UBLCP1: variants seen among roughly 807,000 people sequenced by gnomAD.
The protein encoded by UBLCP1 is ubiquitin-like domain-containing CTD phosphatase 1.
A neutral mutation model predicts 42.4 loss-of-function variants in UBLCP1; 28 were observed. The ratio of observed to expected loss-of-function variants is 0.66; its 90% CI spans 0.49 to 0.90. The LOEUF (loss-of-function observed/expected upper bound fraction) is 0.90. Among genes scored for constraint, UBLCP1 ranks in the 40% least tolerant of loss-of-function variants. The pLI, the probability that UBLCP1 is intolerant of heterozygous loss-of-function variation, is 0.00. For missense variants in UBLCP1, 279 were observed against 374.5 expected, an observed-to-expected ratio of 0.75 and a Z score of 2.10; for synonymous variants, 122 against 120.8, an observed-to-expected ratio of 1.01 and a Z score of -0.07.
rs762255488 is a variant in UBLCP1, at chr5:159,269,076, C to G, written c.154+7C>G. 4.0e-5 allele frequency: 61 copies of G among 1,531,286 alleles called. No homozygotes were observed. In the East Asian group the frequency reaches 1.5e-3, roughly 37 times the overall value. 94.9% of individuals were successfully genotyped at this position (1,531,286 alleles called of 1,614,324 possible). A position where few individuals can be genotyped will look rare whatever the true frequency, so the allele number is the denominator to read the frequency against. ...CTTGGACTCAAAGTTAAAGGTAATT[C>G]TCTCCCCTCTTCAGATTTTTTGCAT... On this transcript the variant is annotated splice_region_variant and intron_variant, in intron 2 of 10. Coordinates refer to ENST00000296786, the MANE Select transcript of UBLCP1 (RefSeq NM_145049.5).
intron 5 of UBLCP1, among the ~76,000 whole-genome samples, chr5:159,270,993 T>TA (rs1753459184): frequency 6.6e-6 from 1 of 151,820 alleles, no homozygotes; most frequent in Non-Finnish European, 1.5e-5. Context: ...TGTATATATA[T>TA]TTTTTTATTT....
At chr5:159,273,800 T>C (rs1478921513) in intron 6 of UBLCP1, among the ~76,000 whole-genome samples, 1 of 151,614 alleles carries the variant, frequency 6.6e-6, no homozygotes, top group Non-Finnish European at 1.5e-5. Flanking sequence ...ATTTTTTATT[T>C]TGAGAACTCA....
chr5:159,276,374 T>A (rs1753536791), intron 8 of UBLCP1, among the ~76,000 whole-genome samples: 1 of 152,188 alleles, frequency 6.6e-6, no homozygotes, highest in Non-Finnish European at 1.5e-5. Flanking sequence ...GAGACAGTAT[T>A]AAAATTATCA....
At chr5:159,265,914 C>A (rs779324213) in intron 1 of UBLCP1, among the ~76,000 whole-genome samples, 1 of 152,100 alleles carries the variant, frequency 6.6e-6, no homozygotes, top group African/African-American at 2.4e-5. Flanking sequence ...GAACTCCTGA[C>A]CTAAGGTGAT....
intron 9 of UBLCP1, among the ~76,000 whole-genome samples, chr5:159,279,644 A>T (rs986525118): frequency 2.6e-5 from 4 of 152,202 alleles, no homozygotes; most frequent in African/African-American, 9.7e-5. Context: ...ATACTAATCT[A>T]GGTAGTGAAT....
intron 5 of UBLCP1, 65 bp downstream of exon 5, chr5:159,270,708 G>GTT (rs372342661): frequency 1.4e-3 from 1,131 of 792,800 alleles, no homozygotes; most frequent in South Asian, 2.5e-3. Flanking sequence ...TCTTTTCTTT[G>GTT]TTTTTTTTTT....
At position 159,278,296 on chromosome 5, in the gene UBLCP1, C is replaced by A; in HGVS notation, c.743C>A (p.Thr248Asn). 1 of 1,613,712 alleles carries A rather than the reference C, an allele frequency of 6.2e-7. No homozygotes were observed. Among genetic ancestry groups the A allele is most frequent in the Non-Finnish European group, 8.5e-7 (1 of 1,179,838 alleles). Residue 248 changes from threonine to asparagine, a missense_variant, in exon 9 of 11, where the codon ACC becomes AAC. Transcript: ENST00000296786. ...TCGGAGTTTTACAGCAAGAAAAACA[C>A]CATTATGTTTGATGACATAGGGAGA... ...KFSEFYSKKN[T>N]IMFDDIGRNF...
chr5:159,269,530 A>G (rs1423803957), intron 2 of UBLCP1, among the ~76,000 whole-genome samples: 1 of 152,180 alleles, frequency 6.6e-6, no homozygotes, highest in African/African-American at 2.4e-5. Context: ...TGTGATTATC[A>G]TATTGAAGAG....
chr5:159,275,911 A>C (rs1753530368), intron 8 of UBLCP1, among the ~76,000 whole-genome samples: 2 of 152,160 alleles, frequency 1.3e-5, no homozygotes, highest in Non-Finnish European at 2.9e-5. Context: ...CCCTGTTTGA[A>C]ACTGGTAATA....
intron 6 of UBLCP1, among the ~76,000 whole-genome samples, chr5:159,272,967 G>C (rs1246757875): frequency 6.6e-6 from 1 of 152,216 alleles, no homozygotes; most frequent in Non-Finnish European, 1.5e-5. Flanking sequence ...CATAAGCAGA[G>C]AAGAGTTATC....
At chr5:159,283,579 C>G (rs1241119772) in intron 10 of UBLCP1, among the ~76,000 whole-genome samples, 1 of 152,010 alleles carries the variant, frequency 6.6e-6, no homozygotes, top group Admixed American at 6.5e-5. Context: ...GAAGAGAGAA[C>G]TTGAGAGACT....
At chr5:159,275,589 T>A (rs1753525124) in intron 8 of UBLCP1, among the ~76,000 whole-genome samples, 1 of 152,010 alleles carries the variant, frequency 6.6e-6, no homozygotes, top group Non-Finnish European at 1.5e-5. Flanking sequence ...TTTTTCGTAT[T>A]TTCAGTAGAG....
Position 159,275,166 on chromosome 5 carries a change from A to G in UBLCP1, c.604A>G (p.Asn202Asp). 1 of 1,613,324 alleles carries G rather than the reference A, an allele frequency of 6.2e-7. No homozygotes were observed. Among genetic ancestry groups the G allele is most frequent in the Non-Finnish European group, 8.5e-7 (1 of 1,179,770 alleles). ...TTTATAGGAGCTGGGAGTGAGCACA[A>G]ATGCAAATTATAAGATTACTTTCAT... Reference protein sequence around the residue: ...AKMKELGVSTNANYKITFMLD... With the variant: ...AKMKELGVSTDANYKITFMLD... Residue 202 changes from asparagine (N) to aspartate (D), a missense_variant, in exon 8 of 11, where the codon AAT becomes GAT. By Grantham distance (23) the Asn-to-Asp change is conservative (BLOSUM62 1). Transcript: ENST00000296786.
chr5:159,268,834 C>T, intron 1 of UBLCP1, 36 bp from the exon 2 acceptor site: 1 of 1,451,858 alleles, frequency 6.9e-7, no homozygotes, highest in South Asian at 1.3e-5. Flanking sequence ...TAAACAGTAT[C>T]TATTTTAACT....
chr5:159,270,203 A>G (rs557044296), intron 3 of UBLCP1, among the ~76,000 whole-genome samples, 157 bp from the exon 4 acceptor site: 124 of 152,328 alleles, frequency 8.1e-4, no homozygotes, highest in Middle Eastern at 3.4e-3. Context: ...TCTGCCCAGG[A>G]AACATACATA....
At chr5:159,272,265 T>A in intron 6 of UBLCP1, 144 bp downstream of exon 6, 1 of 642,356 alleles carries the variant, frequency 1.6e-6, no homozygotes, top group South Asian at 2.1e-5. Context: ...ATGAAGCATG[T>A]ATCACAATAT....
chr5:159,275,403 A>ATTT (rs56675251), intron 8 of UBLCP1, 157 bp downstream of exon 8: 66 of 164,378 alleles, frequency 4.0e-4, no homozygotes, highest in African/African-American at 7.5e-4. Flanking sequence ...AGGTTAAAAG[A>ATTT]TTTTTTTTTT....
rs375499416 is a variant in UBLCP1 at position 159,270,499 on chromosome 5, A to G, written c.333-29A>G. The G allele has an allele frequency of 3.2e-5, 51 of 1,605,208 alleles. No homozygotes were observed. The African/African-American group carries it at 4.7e-4, about 15-fold the overall frequency. On this transcript the variant is annotated intron_variant, in intron 4 of 10. Coordinates refer to ENST00000296786, the MANE Select transcript of UBLCP1 (RefSeq NM_145049.5). ...AGTTGTCATGTGAGAACAAGTGAAT[A>G]TTTTATCTAATTATATGTTTTCCAT...
chr5:159,270,337 C>A (rs1412736639), intron 3 of UBLCP1, 23 bp from the exon 4 acceptor site: 4 of 1,584,266 alleles, frequency 2.5e-6, no homozygotes, highest in African/African-American at 1.4e-5. Flanking sequence ...TATGGTAGAA[C>A]AAAACTTTTT....
Sources: allele counts gnomAD v4.1 joint callset (sites outside exome capture counted in the v4.1 genomes callset), GRCh38; gene constraint gnomAD v4.1.1; transcripts MANE v1.5; gene names NCBI Gene and HGNC (gene_info 2026-07-23, HGNC 2026-07-21).